DCAF6: variants seen among roughly 807,000 people sequenced by gnomAD.
DCAF6 encodes DDB1- and CUL4-associated factor 6.
In DCAF6, 54 loss-of-function variants were observed where a neutral mutation model predicts 125.1. The ratio of observed to expected loss-of-function variants is 0.43; its 90% CI spans 0.35 to 0.54. The LOEUF is 0.54. Ranked by LOEUF, DCAF6 falls within the 20% of genes least tolerant of loss-of-function variation. The pLI is 0.01. For missense variants in DCAF6, 934 were observed against 1,161.7 expected (o/e 0.80, Z 2.85); for synonymous variants, 371 against 390.4 (o/e 0.95, Z 0.58).
chr1:167,959,006 C>G (rs904313861), intron 2 of DCAF6, among the ~76,000 whole-genome samples: 1 of 152,158 alleles, frequency 6.6e-6, no homozygotes. Flanking sequence ...AGTTGTTTCA[C>G]TGCCTTAAAA....
the DCAF6 span, chr1:167,899,606 G>A: frequency 1.9e-6 from 3 of 1,614,042 alleles, no homozygotes; most frequent in Non-Finnish European, 2.5e-6. Flanking sequence ...AGACCAACAT[G>A]CTGATGTGGC....
chr1:167,977,130 C>G (rs1678360519), intron 4 of DCAF6, among the ~76,000 whole-genome samples: 1 of 150,798 alleles, frequency 6.6e-6, no homozygotes, highest in Non-Finnish European at 1.5e-5. Context: ...TCTCGAACTC[C>G]CGACCTCAGG....
At position 167,987,606 on chromosome 1, in the gene DCAF6, G is replaced by C. The variant is rs759973651; in HGVS notation, c.550G>C (p.Asp184His). 1 of 1,515,870 alleles carries C rather than the reference G, an allele frequency of 6.6e-7. No homozygotes were observed. Among genetic ancestry groups the C allele is most frequent in the Non-Finnish European group, 9.1e-7 (1 of 1,094,032 alleles). The allele number at this position is 1,515,870 out of a possible 1,614,324, so 93.9% of individuals were successfully genotyped here. A position where few individuals can be genotyped will look rare whatever the true frequency, so the allele number is the denominator to read the frequency against. Residue 184 changes from aspartate to histidine, a missense_variant and splice_region_variant, in exon 5 of 22, where the codon GAT becomes CAT. Asp to His is a moderately conservative substitution (Grantham distance 81). This residue lies in a region of DCAF6 where 309 missense variants were observed against 381.2 expected (regional missense o/e 0.81). Transcript: ENST00000367840. ...KTSCTKEDCKDDILINCRRAA... is the reference protein window; with the variant it reads ...KTSCTKEDCKHDILINCRRAA... ...TAGCTGCACAAAAGAAGATTGTAAA[G>C]ATGTAAGAATTAAATTTTTATACAA...
chr1:167,989,522 C>T (rs1395813572), intron 5 of DCAF6, among the ~76,000 whole-genome samples: 6 of 152,128 alleles, frequency 3.9e-5, no homozygotes, highest in Non-Finnish European at 4.4e-5. Context: ...TTAATGAATT[C>T]TATGTAATGA....
At chr1:168,044,366 A>T (rs1688896859) in intron 14 of DCAF6, among the ~76,000 whole-genome samples, 2 of 152,214 alleles carry the variant, frequency 1.3e-5, no homozygotes, top group Non-Finnish European at 2.9e-5. Flanking sequence ...AAACAATAAC[A>T]GCGTAGCAAC....
chr1:168,063,784 T>C lies in DCAF6; in HGVS notation c.2439+25T>C, dbSNP rs770869600. The C allele has an allele frequency of 1.3e-5, 20 of 1,591,770 alleles. No homozygotes were observed. The Admixed American group carries it at 3.5e-4, about 28-fold the overall frequency. On this transcript the variant is annotated intron_variant, in intron 18 of 21. Transcript: ENST00000367840. ...GGTACCAAATGTTCATGGCATTTTT[T>C]GGTGAAATTGCAGTTTCATGCTCTG... is the stretch of plus-strand genomic sequence containing the variant.
intron 11 of DCAF6, among the ~76,000 whole-genome samples, chr1:168,017,771 C>T (rs1375913437): frequency 6.6e-6 from 1 of 152,062 alleles, no homozygotes; most frequent in Non-Finnish European, 1.5e-5. Flanking sequence ...TCTACCCATA[C>T]AGAAAGCACC....
intron 13 of DCAF6, 56 bp from the exon 14 acceptor site, chr1:168,042,968 TA>T: frequency 2.3e-6 from 3 of 1,300,212 alleles, no homozygotes; most frequent in Admixed American, 2.0e-5. Context: ...ATAAAAATCC[TA>T]AAAGATCATA....
At chr1:167,872,797 C>T in the DCAF6 span, among the ~76,000 whole-genome samples, 2 of 149,748 alleles carry the variant, frequency 1.3e-5, no homozygotes, top group African/African-American at 2.5e-5. Flanking sequence ...ATAGGCTGCA[C>T]GCAGTGGCTC....
chr1:167,971,584 T>A (rs1677312991), intron 3 of DCAF6, among the ~76,000 whole-genome samples: 1 of 152,188 alleles, frequency 6.6e-6, no homozygotes, highest in African/African-American at 2.4e-5. Flanking sequence ...CGTGACATGA[T>A]TAAGAAGGAA....
At chr1:167,921,469 G>A in the DCAF6 span, among the ~76,000 whole-genome samples, 2 of 152,064 alleles carry the variant, frequency 1.3e-5, no homozygotes, top group Non-Finnish European at 2.9e-5. Context: ...TGATCCGCCC[G>A]CCTCAACCTC....
At chr1:167,884,010 T>C in the DCAF6 span, among the ~76,000 whole-genome samples, 1 of 152,228 alleles carries the variant, frequency 6.6e-6, no homozygotes, top group Non-Finnish European at 1.5e-5. Flanking sequence ...TTGTGTTACA[T>C]GAGATATTTT....
intron 11 of DCAF6, among the ~76,000 whole-genome samples, chr1:168,017,232 T>C (rs1439946897): frequency 1.3e-5 from 2 of 151,822 alleles, no homozygotes; most frequent in East Asian, 1.9e-4. Flanking sequence ...TTTTGTTTTT[T>C]TTTTTGCTGT....
intron 17 of DCAF6, among the ~76,000 whole-genome samples, chr1:168,052,629 T>TA (rs1349615351): frequency 6.6e-6 from 1 of 152,214 alleles, no homozygotes; most frequent in Non-Finnish European, 1.5e-5. Flanking sequence ...AAAATAAAAT[T>TA]ATCACAGATG....
At chr1:168,063,821 A>G (rs1691928964) in intron 18 of DCAF6, 62 bp downstream of exon 18, 3 of 1,507,206 alleles carry the variant, frequency 2.0e-6, no homozygotes, top group Non-Finnish European at 1.8e-6. Flanking sequence ...GTGTTTTTCC[A>G]TAATGATTTA....
At chr1:167,902,428 GATGAAT>G in the DCAF6 span, among the ~76,000 whole-genome samples, 1 of 152,206 alleles carries the variant, frequency 6.6e-6, no homozygotes, top group African/African-American at 2.4e-5. Context: ...TGGGTGGGTG[GATGAAT>G]GACAGGACTC....
chr1:167,992,282 C>CACACACACACACACACAA (rs1178289359), intron 6 of DCAF6, among the ~76,000 whole-genome samples: 42 of 121,730 alleles, frequency 3.5e-4, no homozygotes, highest in Non-Finnish European at 7.1e-5. Context: ...CACACACACA[C>CACACACACACACACACAA]AAACACCGAA....
chr1:167,939,239 G>T (rs1671855409), intron 1 of DCAF6, among the ~76,000 whole-genome samples: 1 of 152,038 alleles, frequency 6.6e-6, no homozygotes, highest in Admixed American at 6.5e-5. Context: ...TTGAATTAGT[G>T]ATGGTTTTTT....
At chr1:167,925,764 G>T in the DCAF6 span, among the ~76,000 whole-genome samples, 16 of 151,654 alleles carry the variant, frequency 1.1e-4, no homozygotes, top group East Asian at 3.1e-3. Flanking sequence ...GGCCAGGCTG[G>T]TCTCAAACTC....
Sources: gnomAD v4.1 joint callset for allele counts (sites outside exome capture counted in the v4.1 genomes callset) on GRCh38, gnomAD v4.1.1 for gene constraint, gnomAD v4.1.1 regional missense constraint, MANE v1.5 for transcripts, NCBI Gene and HGNC (gene_info 2026-07-23, HGNC 2026-07-21) for gene names.